The following TNS2 variants were observed in gnomAD, a reference collection of about 807,000 sequenced individuals.
TNS2 encodes tensin-2.
In TNS2, 77 loss-of-function variants were observed where a neutral mutation model predicts 155.7. That is an observed-to-expected ratio of 0.49 (90% CI 0.41 to 0.60). TNS2 has a LOEUF of 0.60. Among genes scored for constraint, TNS2 ranks in the 20% least tolerant of loss-of-function variants. The probability of loss-of-function intolerance (pLI) is 0.00; values close to 1 mark genes in which losing one functional copy is unlikely to be tolerated. For synonymous variants in TNS2, 726 were observed against 763.9 expected (o/e 0.95, Z 0.82); for missense variants, 1,703 against 1,868.8 (o/e 0.91, Z 1.64).
In TNS2 at chr12:53,060,868, C is replaced by A; in HGVS notation, c.2962C>A (p.Gln988Lys). The change falls in exon 20 of 29, where the codon CAG (glutamine) becomes AAG (lysine). Residue 988 changes from glutamine to lysine, a missense_variant. Gln to Lys is a moderately conservative substitution (Grantham distance 53, BLOSUM62 1). Coordinates refer to ENST00000314250, the MANE Select transcript of TNS2 (RefSeq NM_170754.4). The surrounding 1 kb of genome is among the most constrained non-coding windows in gnomAD (Gnocchi z 6.1). ...TCCCAGCTCGCCCAGTGACTGGCCT[C>A]AGGAAAGGAGTCCAGGGGGCCACTC... ...FPPSSPSDWP[Q>K]ERSPGGHSDG... The A allele has an allele frequency of 6.3e-7, 1 of 1,594,562 alleles. No homozygotes were observed.
intron 17 of TNS2, 93 bp downstream of exon 17, chr12:53,058,920 C>A: frequency 6.4e-7 from 1 of 1,565,442 alleles, no homozygotes; most frequent in Admixed American, 1.7e-5. Flanking sequence ...CCTCCCCAGG[C>A]AGAGCCCACT....
intron 3 of TNS2, chr12:53,053,157 G>A (rs1944001701): frequency 3.9e-6 from 2 of 510,064 alleles, no homozygotes; most frequent in Admixed American, 3.3e-5. Flanking sequence ...TATAACTCCT[G>A]CCCTACAGCT....
At position 53,063,144 on chromosome 12, in the gene TNS2, A is replaced by T. The variant is rs1421489837; in HGVS notation, c.3879A>T (p.Gln1293His). 2 of 1,605,246 alleles carry T rather than the reference A, an allele frequency of 1.2e-6. No homozygotes were observed. Among genetic ancestry groups the T allele is most frequent in the Admixed American group, 1.7e-5 (1 of 58,790 alleles). The change falls in exon 26 of 29, where the codon CAA (glutamine) becomes CAT (histidine). Residue 1293 changes from glutamine (Q) to histidine (H), a missense_variant. Gln to His is a conservative substitution (Grantham distance 24). Coordinates refer to ENST00000314250, the MANE Select transcript of TNS2 (RefSeq NM_170754.4). The surrounding 1 kb of genome is among the most constrained non-coding windows in gnomAD (Gnocchi z 5.6). ...SVETESLTGPQAVARASSAAL... is the reference protein window; with the variant it reads ...SVETESLTGPHAVARASSAAL... ...AGACAGAGTCACTGACGGGCCCCCAAGCTGTGGCCCGGGCCAGCTCTGCAG... is the reference window on the plus strand; with the variant it reads ...AGACAGAGTCACTGACGGGCCCCCATGCTGTGGCCCGGGCCAGCTCTGCAG...
At chr12:53,050,053 C>T (rs763854549), upstream of TNS2, 84 of 1,504,060 alleles carry the variant, frequency 5.6e-5, no homozygotes, top group Middle Eastern at 4.8e-4. The surrounding 1 kb of genome is among the most constrained non-coding windows in gnomAD (Gnocchi z 4.7). Flanking sequence ...CGGGCTTCTC[C>T]TCACACCAGC....
In TNS2 at chr12:53,053,799, G is replaced by T. The variant is rs754335618; in HGVS notation, c.287G>T (p.Arg96Leu). Residue 96 changes from arginine to leucine, a missense_variant, in exon 5 of 29, where the codon CGC becomes CTC. Coordinates refer to ENST00000314250, the MANE Select transcript of TNS2 (RefSeq NM_170754.4). ...ELRRNTAPVR[R>L]IEHLGSTKSL... ...CGGCGAAACACGGCCCCAGTCAGGCGCATAGAGCACCTGGTAAGGTGATGC... is the reference window on the plus strand; with the variant it reads ...CGGCGAAACACGGCCCCAGTCAGGCTCATAGAGCACCTGGTAAGGTGATGC... 6.2e-7 allele frequency: 1 copy of T among 1,612,368 alleles called. No homozygotes were observed. The highest frequency in any genetic ancestry group is 8.5e-7 in the Non-Finnish European group (1 of 1,179,394).
In TNS2 at chr12:53,062,675, A is replaced by G. The variant is rs1453970667; in HGVS notation, c.3801A>G (p.Ala1267=). The G allele has an allele frequency of 6.2e-7, 1 of 1,614,010 alleles. No individual in the cohort carries two copies. The highest frequency in any genetic ancestry group is 2.2e-5 in the East Asian group (1 of 44,866). ...TGCCCACCAACATGAGCACAGCGGC[A>G]GACCTCCTGCGTCAGGGTGCTGGTA... ...APVPTNMSTA[A]DLLRQGAACS... is the part of the protein sequence containing the mutation. The change falls in exon 25 of 29, where the codon GCA becomes GCG. Residue 1267 remains alanine, a synonymous_variant. Coordinates refer to ENST00000314250, the MANE Select transcript of TNS2 (RefSeq NM_170754.4).
In TNS2 at chr12:53,050,318, G is replaced by A; in HGVS notation, c.75+58G>A. 3 of 1,511,756 alleles carry A rather than the reference G, an allele frequency of 2.0e-6. No individual in the cohort carries two copies. The highest frequency in any genetic ancestry group is 2.7e-6 in the Non-Finnish European group (3 of 1,125,142). The allele number at this position is 1,511,756 out of a possible 1,614,324, so 93.6% of individuals were successfully genotyped here. ...GCAGGGGTGGAGGTGCGGGCAGTGG[G>A]GGAGGGGACCAGGAATCAGGCCAGG... On this transcript the variant is annotated intron_variant, in intron 1 of 28. Transcript: ENST00000314250. The surrounding 1 kb of genome is among the most constrained non-coding windows in gnomAD (Gnocchi z 4.7).
upstream of TNS2, chr12:53,049,356 GAAAC>G: frequency 1.1e-6 from 1 of 945,922 alleles, no homozygotes; most frequent in African/African-American, 1.7e-5. Flanking sequence ...GATCATGTCT[GAAAC>G]AAAGCCAGGG....
In TNS2 at chr12:53,060,186, C is replaced by T; in HGVS notation, c.2545C>T (p.Pro849Ser). Residue 849 changes from proline to serine, a missense_variant, in exon 18 of 29, where the codon CCT (proline) becomes TCT (serine). Transcript: ENST00000314250. This position sits in a 1 kb window ranked among gnomAD's most constrained non-coding sequence, Gnocchi z 6.1. ...ATCTAGGAAGCTGAGCTACGAGATCCCTACGGAGGAGGGAGGGGACAGGTA... is the reference window on the plus strand; with the variant it reads ...ATCTAGGAAGCTGAGCTACGAGATCTCTACGGAGGAGGGAGGGGACAGGTA... ...PQSRKLSYEI[P>S]TEEGGDRYPL... 1 of 1,594,074 alleles carries T rather than the reference C, an allele frequency of 6.3e-7. No homozygotes were observed. The highest frequency in any genetic ancestry group is 8.6e-7 in the Non-Finnish European group (1 of 1,168,988).
intron 3 of TNS2, 86 bp from the exon 4 acceptor site, chr12:53,053,325 C>A: frequency 6.6e-7 from 1 of 1,517,946 alleles, no homozygotes; most frequent in Admixed American, 1.7e-5. Context: ...CCTCCACCTT[C>A]CTCCTGAAGC....
At chr12:53,052,133 T>G in intron 2 of TNS2, 170 bp downstream of exon 2, 1 of 626,272 alleles carries the variant, frequency 1.6e-6, no homozygotes, top group South Asian at 2.0e-5. Flanking sequence ...TGGCTCCCCA[T>G]GACAGACACC....
At chr12:53,049,377 T>G, upstream of TNS2, 1 of 741,450 alleles carries the variant, frequency 1.3e-6, no homozygotes, top group East Asian at 3.1e-5. Context: ...AGGGAATGGG[T>G]GAGTGGGGGG....
At position 53,055,037 on chromosome 12, in the gene TNS2, G is replaced by A. The variant is rs1944096380; in HGVS notation, c.523-149G>A. On this transcript the variant is annotated intron_variant, in intron 7 of 28. Transcript: ENST00000314250. ...GACCTCAGGTGACCCGCCCGCCTTG[G>A]TCTCCCAAAGTGCTGGGGTTATAGG... 6 of 797,692 alleles carry A rather than the reference G, an allele frequency of 7.5e-6. No homozygotes were observed. The East Asian group carries it at 1.6e-4, about 22-fold the overall frequency. The allele number at this position is 797,692 out of a possible 1,614,324, so 49.4% of individuals were successfully genotyped here. A position where few individuals can be genotyped will look rare whatever the true frequency, so the allele number is the denominator to read the frequency against.
In TNS2 at chr12:53,061,828, G is replaced by A; in HGVS notation, c.3462G>A (p.Leu1154=). Residue 1154 remains leucine (L), a synonymous_variant, in exon 22 of 29, where the codon CTG becomes CTA. Transcript: ENST00000314250. The stretch of plus-strand genomic sequence containing the variant: ...CTCACCCTGCAGCCATTGCCCTGCT[G>A]AAGGACAAGGACCCTGGGGCCTTCC... ...HLSRDQAIAL[L]KDKDPGAFLI... 5 of 1,613,016 alleles carry A rather than the reference G, an allele frequency of 3.1e-6. No individual in the cohort carries two copies. Among genetic ancestry groups the A allele is most frequent in the Non-Finnish European group, 3.4e-6 (4 of 1,179,548 alleles).
At chr12:53,052,624 G>T in intron 3 of TNS2, 132 bp downstream of exon 3, 1 of 1,233,798 alleles carries the variant, frequency 8.1e-7, no homozygotes, top group Non-Finnish European at 1.2e-6. Flanking sequence ...CCCCTCCTGG[G>T]TGGGAGGGGT....
intron 25 of TNS2, 106 bp from the exon 26 acceptor site, chr12:53,062,983 T>G: frequency 1.4e-6 from 2 of 1,396,440 alleles, no homozygotes; most frequent in South Asian, 1.4e-5. Flanking sequence ...AAGTCACCTA[T>G]GTGATTGTAA....
intron 1 of TNS2, among the ~76,000 whole-genome samples, 159 bp from the exon 2 acceptor site, chr12:53,051,696 C>T (rs937125608): frequency 6.6e-6 from 1 of 152,134 alleles, no homozygotes; most frequent in Non-Finnish European, 1.5e-5. Flanking sequence ...GCCCCATGAC[C>T]GCCCTGAAGC....
At chr12:53,054,232 C>T in intron 6 of TNS2, 38 bp from the exon 7 acceptor site, 1 of 1,609,116 alleles carries the variant, frequency 6.2e-7, no homozygotes, top group Non-Finnish European at 8.5e-7. Context: ...CTCCGGGTGC[C>T]CCGCCCCTGC....
rs539978277 is a variant in TNS2, at chr12:53,055,919, C to T, written c.761+74C>T. 33 of 1,478,444 alleles carry T rather than the reference C, an allele frequency of 2.2e-5. No individual in the cohort carries two copies. In the Admixed American group the frequency reaches 2.8e-4, roughly 13 times the overall value. The allele number at this position is 1,478,444 out of a possible 1,614,324, so 91.6% of individuals were successfully genotyped here. On this transcript the variant is annotated intron_variant, in intron 10 of 28. Coordinates refer to ENST00000314250, the MANE Select transcript of TNS2 (RefSeq NM_170754.4). ...CAGCTGGCCCCTTAGGAACCCATCTCCCCTGGAGCCCACCTCTTCGTTGAG... is the reference window on the plus strand; with the variant it reads ...CAGCTGGCCCCTTAGGAACCCATCTTCCCTGGAGCCCACCTCTTCGTTGAG...
Sources: gnomAD v4.1 joint callset for allele counts (sites outside exome capture counted in the v4.1 genomes callset) on GRCh38, gnomAD v4.1.1 for gene constraint, Gnocchi (gnomAD v3.1) non-coding constraint, MANE v1.5 for transcripts, NCBI Gene and HGNC (gene_info 2026-07-23, HGNC 2026-07-21) for gene names.